Variants in GNAQ observed in about 807,000 individuals in gnomAD.
GNAQ encodes guanine nucleotide-binding protein G(q) subunit alpha.
GNAQ carries 8 observed loss-of-function variants against 43.9 expected under a neutral mutation model. The ratio of observed to expected loss-of-function variants is 0.18; its 90% CI spans 0.11 to 0.33. GNAQ has a LOEUF of 0.33. GNAQ is among the 10% of genes least tolerant of loss of function. The pLI is 1.00. For synonymous variants in GNAQ, 155 were observed against 170.7 expected (o/e 0.91, Z 0.71); for missense variants, 158 against 450.8 (o/e 0.35, Z 5.88).
chr9:77,861,006 T>C (rs1827841747), intron 2 of GNAQ, among the ~76,000 whole-genome samples: 1 of 152,242 alleles, frequency 6.6e-6, no homozygotes, highest in African/African-American at 2.4e-5. Context: ...TAGTCCATTT[T>C]CATGCTGCTG....
chr9:77,926,051 T>A (rs1266193109), intron 1 of GNAQ, among the ~76,000 whole-genome samples: 1 of 152,218 alleles, frequency 6.6e-6, no homozygotes, highest in African/African-American at 2.4e-5. Flanking sequence ...CTATCCAATG[T>A]TGGTTGAATC....
intron 1 of GNAQ, among the ~76,000 whole-genome samples, chr9:78,010,161 T>A (rs1823756609): frequency 6.6e-6 from 1 of 152,106 alleles, no homozygotes; most frequent in Non-Finnish European, 1.5e-5. Flanking sequence ...ATGAGAACAA[T>A]CAGGATATTA....
chr9:77,801,838 T>A lies in GNAQ; in HGVS notation c.477-4190A>T, dbSNP rs76353790. Among the ~76,000 whole-genome samples, 1,290 of 152,240 alleles carry A rather than the reference T, an allele frequency of 8.5e-3. 18 individuals carry two copies. Among genetic ancestry groups the A allele is most frequent in the African/African-American group, 0.03 (1,226 of 41,534 alleles). On this transcript the variant is annotated intron_variant, in intron 3 of 6. Transcript: ENST00000286548. Reference sequence around the variant, plus strand: ...GGGAAGCTACCCAGGATTGAAGATATGTTACAGACAATTTGTGAAGCAGGT... The same window carrying A: ...GGGAAGCTACCCAGGATTGAAGATAAGTTACAGACAATTTGTGAAGCAGGT...
chr9:77,965,859 C>T (rs1025513050), intron 1 of GNAQ, among the ~76,000 whole-genome samples: 9 of 149,298 alleles, frequency 6.0e-5, no homozygotes, highest in South Asian at 2.1e-4. Context: ...AAAAAAGGCA[C>T]GTATCTATCA....
intron 5 of GNAQ, among the ~76,000 whole-genome samples, chr9:77,790,254 C>T (rs1463979688): frequency 6.6e-6 from 1 of 152,154 alleles, no homozygotes; most frequent in African/African-American, 2.4e-5. Context: ...TTAGGTCTTT[C>T]CTTTGCGATT....
In GNAQ at chr9:78,031,322, C is replaced by G. The variant is rs2118633076; in HGVS notation, c.-87G>C. On this transcript the variant is annotated 5_prime_UTR_variant, in exon 1 of 7. Transcript: ENST00000286548. Reference sequence around the variant, plus strand: ...CCCTCCCGCCCTCGCTCCCCCGAGGCAGCGGTGGCCGCCGAGCCCCCGCCG... The same window carrying G: ...CCCTCCCGCCCTCGCTCCCCCGAGGGAGCGGTGGCCGCCGAGCCCCCGCCG... 1 of 1,097,314 alleles carries G rather than the reference C, an allele frequency of 9.1e-7. No homozygotes were observed. The highest frequency in any genetic ancestry group is 1.2e-6 in the Non-Finnish European group (1 of 853,708). The allele number at this position is 1,097,314 out of a possible 1,614,324, so 68.0% of individuals were successfully genotyped here. A position where few individuals can be genotyped will look rare whatever the true frequency, so the allele number is the denominator to read the frequency against.
At chr9:77,989,491 T>C (rs1429766076) in intron 1 of GNAQ, among the ~76,000 whole-genome samples, 1 of 152,210 alleles carries the variant, frequency 6.6e-6, no homozygotes, top group East Asian at 1.9e-4. Context: ...CCATGTGATA[T>C]TGGGAGCCTG....
chr9:77,922,062 CT>C (rs1175159343), intron 2 of GNAQ, 98 bp downstream of exon 2: 19 of 682,576 alleles, frequency 2.8e-5, no homozygotes, highest in Non-Finnish European at 3.8e-5. Flanking sequence ...CCAAACCCCC[CT>C]ATGCACTCCA....
At chr9:78,024,504 T>C (rs989978367) in intron 1 of GNAQ, among the ~76,000 whole-genome samples, 2 of 152,164 alleles carry the variant, frequency 1.3e-5, no homozygotes, top group South Asian at 4.1e-4. Flanking sequence ...GAGCTTCCAA[T>C]CCACTTAGAA....
chr9:77,764,278 G>T (rs1220483727), intron 5 of GNAQ, among the ~76,000 whole-genome samples: 3 of 152,090 alleles, frequency 2.0e-5, no homozygotes, highest in African/African-American at 7.2e-5. Context: ...CCAAATCACA[G>T]ATATTAAATT....
intron 1 of GNAQ, among the ~76,000 whole-genome samples, chr9:78,008,619 C>T (rs796508042): frequency 0.021 from 2,121 of 102,996 alleles, 53 homozygotes; most frequent in African/African-American, 0.089. Context: ...CATTTCATTT[C>T]ATTTTATTTT....
chr9:77,722,682 G>A (rs1167176283), intron 6 of GNAQ, among the ~76,000 whole-genome samples: 4 of 142,122 alleles, frequency 2.8e-5, no homozygotes, highest in Non-Finnish European at 4.5e-5. Context: ...TTTGAGACAG[G>A]GTCTTGCTCT....
intron 1 of GNAQ, among the ~76,000 whole-genome samples, chr9:78,001,999 A>C (rs149614556): frequency 6.6e-6 from 1 of 152,366 alleles, no homozygotes; most frequent in East Asian, 1.9e-4. Context: ...AGGGCATCAT[A>C]AAGTAAAAAG....
intron 2 of GNAQ, among the ~76,000 whole-genome samples, chr9:77,886,468 TG>T (rs1364826016): frequency 6.6e-6 from 1 of 151,746 alleles, no homozygotes; most frequent in Non-Finnish European, 1.5e-5. Flanking sequence ...CATTATGAAT[TG>T]CTACAGTTCA....
chr9:77,832,509 A>C (rs941982527), intron 2 of GNAQ, among the ~76,000 whole-genome samples: 3 of 152,184 alleles, frequency 2.0e-5, no homozygotes, highest in Non-Finnish European at 1.5e-5. Flanking sequence ...CTGGGTGAGA[A>C]ACCACAGCAT....
At chr9:77,761,290 C>T (rs1325313979) in intron 5 of GNAQ, among the ~76,000 whole-genome samples, 8 of 117,904 alleles carry the variant, frequency 6.8e-5, no homozygotes, top group Non-Finnish European at 9.4e-5. Context: ...GTCAGCCCCC[C>T]GCCTGGCCAG....
At chr9:77,987,107 T>C (rs1823448437) in intron 1 of GNAQ, among the ~76,000 whole-genome samples, 1 of 152,166 alleles carries the variant, frequency 6.6e-6, no homozygotes, top group Non-Finnish European at 1.5e-5. Context: ...CACTTGTTCT[T>C]CCTTTTCTTT....
At chr9:77,761,594 G>C (rs1826025410) in intron 5 of GNAQ, among the ~76,000 whole-genome samples, 1 of 138,528 alleles carries the variant, frequency 7.2e-6, no homozygotes, top group African/African-American at 2.7e-5. Context: ...CGGGAGGTGA[G>C]GGGCGCCTCT....
At chr9:77,931,829 C>T (rs1246278088) in intron 1 of GNAQ, among the ~76,000 whole-genome samples, 1 of 151,912 alleles carries the variant, frequency 6.6e-6, no homozygotes, top group Non-Finnish European at 1.5e-5. Context: ...TCTGAGTTTT[C>T]AATTAGTTAA....
Sources: allele counts gnomAD v4.1 joint callset (sites outside exome capture counted in the v4.1 genomes callset), GRCh38; gene constraint gnomAD v4.1.1; transcripts MANE v1.5; gene names NCBI Gene and HGNC (gene_info 2026-07-23, HGNC 2026-07-21).